The following GPAM variants were observed in gnomAD, a reference collection of about 807,000 sequenced individuals.
GPAM encodes glycerol-3-phosphate acyltransferase, mitochondrial, also known as glycerol-3-phosphate acyltransferase 1, mitochondrial.
A neutral mutation model predicts 105.0 loss-of-function variants in GPAM; 56 were observed. The ratio of observed to expected loss-of-function variants is 0.53; its 90% CI spans 0.43 to 0.67. The LOEUF is 0.67. Ranked by LOEUF, GPAM falls within the 30% of genes least tolerant of loss-of-function variation. GPAM has a pLI of 0.00. For missense variants in GPAM, 855 were observed against 989.8 expected (o/e 0.86, Z 1.83); for synonymous variants, 368 against 354.4 (o/e 1.04, Z -0.43).
chr10:112,197,757 G>A (rs1240263753), intron 1 of GPAM, among the ~76,000 whole-genome samples: 2 of 149,840 alleles, frequency 1.3e-5, no homozygotes, highest in East Asian at 2.0e-4. Context: ...TTGTTCTTGC[G>A]ATAGTTTACT....
At chr10:112,171,996 G>C (rs753926497) in intron 9 of GPAM, among the ~76,000 whole-genome samples, 186 bp downstream of exon 9, 1 of 152,064 alleles carries the variant, frequency 6.6e-6, no homozygotes, top group Non-Finnish European at 1.5e-5. Flanking sequence ...TATAAATAAT[G>C]ATGATAGTCT....
At chr10:112,161,780 A>G in intron 14 of GPAM, 43 bp from the exon 15 acceptor site, 1 of 1,501,776 alleles carries the variant, frequency 6.7e-7, no homozygotes, top group Non-Finnish European at 9.3e-7. Context: ...CACTTTTTAC[A>G]AACATAGCTG....
chr10:112,204,168 T>C (rs2133298550), intron 1 of GPAM, among the ~76,000 whole-genome samples: 1 of 152,278 alleles, frequency 6.6e-6, no homozygotes, highest in African/African-American at 2.4e-5. Flanking sequence ...TTGTCCTCAA[T>C]TCCTATTGCC....
In GPAM at chr10:112,151,326, T is replaced by C; in HGVS notation, c.*2224A>G. On this transcript the variant is annotated 3_prime_UTR_variant, in exon 22 of 22. Coordinates refer to ENST00000348367, the MANE Select transcript of GPAM (RefSeq NM_001244949.2). ...GCTTCATTGTGAAGATGCTTTCGTT[T>C]TTTTGTTTTTTGTTTTCAGTCATGA... 1 of 985,802 alleles carries C rather than the reference T, an allele frequency of 1.0e-6. No homozygotes were observed. The highest frequency in any genetic ancestry group is 1.2e-6 in the Non-Finnish European group (1 of 829,858). 61.1% of individuals were successfully genotyped at this position (985,802 alleles called of 1,614,324 possible).
chr10:112,218,174 T>C (rs1201041144), upstream of GPAM, among the ~76,000 whole-genome samples: 1 of 152,228 alleles, frequency 6.6e-6, no homozygotes, highest in African/African-American at 2.4e-5. Flanking sequence ...CCTCTGCAGC[T>C]GCCTGGCTTG....
At chr10:112,196,550 T>A (rs1327660503) in intron 1 of GPAM, among the ~76,000 whole-genome samples, 1 of 152,234 alleles carries the variant, frequency 6.6e-6, no homozygotes, top group Non-Finnish European at 1.5e-5. Flanking sequence ...AAGAGTGTTA[T>A]GAACCTAGTT....
At chr10:112,168,573 A>C (rs1847259094) in intron 10 of GPAM, 49 bp from the exon 11 acceptor site, 3 of 1,217,776 alleles carry the variant, frequency 2.5e-6, no homozygotes, top group Admixed American at 1.7e-5. Flanking sequence ...CACTCAACTT[A>C]GAATGAGCTC....
At chr10:112,211,212 C>T (rs1847907234) in intron 1 of GPAM, among the ~76,000 whole-genome samples, 1 of 152,198 alleles carries the variant, frequency 6.6e-6, no homozygotes, top group Non-Finnish European at 1.5e-5. Flanking sequence ...TCACTTCTTC[C>T]TCCTGCCGTC....
intron 12 of GPAM, 41 bp downstream of exon 12, chr10:112,166,361 G>A (rs1168069522): frequency 9.3e-7 from 1 of 1,070,350 alleles, no homozygotes; most frequent in African/African-American, 1.5e-5. Context: ...CCTGACTCCA[G>A]GTAGATGCTT....
intron 4 of GPAM, among the ~76,000 whole-genome samples, chr10:112,178,621 CT>C (rs1374146112): frequency 1.3e-5 from 2 of 152,096 alleles, no homozygotes; most frequent in African/African-American, 4.8e-5. Context: ...AACAGTACCC[CT>C]TGCTGCTTGA....
chr10:112,197,207 A>G (rs1404166844), intron 1 of GPAM, among the ~76,000 whole-genome samples: 1 of 152,196 alleles, frequency 6.6e-6, no homozygotes, highest in Non-Finnish European at 1.5e-5. Flanking sequence ...CAAATCCTAA[A>G]TGAATGAAAT....
intron 20 of GPAM, chr10:112,155,633 T>C (rs1847002961): frequency 6.7e-6 from 3 of 448,494 alleles, no homozygotes; most frequent in East Asian, 4.3e-5. Flanking sequence ...GGAACAACTA[T>C]ATGCAACATG....
upstream of GPAM, among the ~76,000 whole-genome samples, chr10:112,184,758 C>G (rs1344659395): frequency 6.6e-6 from 1 of 152,124 alleles, no homozygotes; most frequent in Non-Finnish European, 1.5e-5. Context: ...AGAGATAGAA[C>G]TGGGAGAGCA....
intron 1 of GPAM, among the ~76,000 whole-genome samples, chr10:112,195,731 C>T (rs554769980): frequency 2.0e-5 from 3 of 152,348 alleles, no homozygotes; most frequent in South Asian, 4.1e-4. Context: ...AAAGCAGATG[C>T]TCAATATCTA....
Position 112,151,925 on chromosome 10 carries a change from C to T in GPAM, c.*1625G>A, listed in dbSNP as rs12146169. 0.065 allele frequency: 63,279 copies of T among 975,802 alleles called. 2,337 individuals are homozygous for T. Among genetic ancestry groups the T allele is most frequent in the Non-Finnish European group, 0.071 (58,124 of 821,228 alleles). The allele number at this position is 975,802 out of a possible 1,614,324, so 60.4% of individuals were successfully genotyped here. Reference sequence around the variant, plus strand: ...CAACTGACAATGACTTCATGGTATACATCAATTCCTATAAAGAAAAAATAT... The same window carrying T: ...CAACTGACAATGACTTCATGGTATATATCAATTCCTATAAAGAAAAAATAT... On this transcript the variant is annotated 3_prime_UTR_variant, in exon 22 of 22. Coordinates refer to ENST00000348367, the MANE Select transcript of GPAM (RefSeq NM_001244949.2).
chr10:112,203,893 G>A (rs1250480353), intron 1 of GPAM, among the ~76,000 whole-genome samples: 8 of 152,200 alleles, frequency 5.3e-5, no homozygotes, highest in African/African-American at 1.9e-4. Context: ...GAACTACTCT[G>A]TCTTCATGTT....
intron 14 of GPAM, among the ~76,000 whole-genome samples, chr10:112,162,974 C>T (rs537567548): frequency 2.4e-4 from 36 of 152,212 alleles, no homozygotes; most frequent in Non-Finnish European, 4.3e-4. Flanking sequence ...AGGAAGACCT[C>T]CCCAGTAGCA....
In GPAM at chr10:112,163,760, G is replaced by A. The variant is rs755571639; in HGVS notation, c.1364C>T (p.Ala455Val). Residue 455 changes from alanine to valine, a missense_variant, in exon 14 of 22, where the codon GCA (alanine) becomes GTA (valine). By Grantham distance (64) the Ala-to-Val change is moderately conservative. Coordinates refer to ENST00000348367, the MANE Select transcript of GPAM (RefSeq NM_001244949.2). ...CCTCCTTCGTAGGGATTCATCTGTT[G>A]CATTTCTGGACTCATTAATGGACGT... ...RDTSINESRN[A>V]TDESLRRRLI... 2 of 1,607,280 alleles carry A rather than the reference G, an allele frequency of 1.2e-6. No homozygotes were observed. The highest frequency in any genetic ancestry group is 1.7e-5 in the Admixed American group (1 of 60,018).
In GPAM at chr10:112,155,750, C is replaced by T. The variant is rs184733024; in HGVS notation, c.2311+114G>A. 6.7e-4 allele frequency: 440 copies of T among 658,720 alleles called. 2 individuals are homozygous for T. Among genetic ancestry groups the T allele is most frequent in the Non-Finnish European group, 1.0e-3 (372 of 372,762 alleles). The allele number at this position is 658,720 out of a possible 1,614,324, so 40.8% of individuals were successfully genotyped here. A position where few individuals can be genotyped will look rare whatever the true frequency, so the allele number is the denominator to read the frequency against. ...CAAAGAAGATAATAGTAATACTCTACGGTGTTAGAGGTCAGGATAAGTTTG... is the reference window on the plus strand; with the variant it reads ...CAAAGAAGATAATAGTAATACTCTATGGTGTTAGAGGTCAGGATAAGTTTG... On this transcript the variant is annotated intron_variant, in intron 20 of 21. Coordinates refer to ENST00000348367, the MANE Select transcript of GPAM (RefSeq NM_001244949.2).
Sources: allele counts gnomAD v4.1 joint callset (sites outside exome capture counted in the v4.1 genomes callset), GRCh38; gene constraint gnomAD v4.1.1; transcripts MANE v1.5; gene names NCBI Gene and HGNC (gene_info 2026-07-23, HGNC 2026-07-21).